The following PLB1 variants were observed in gnomAD, a reference collection of about 807,000 sequenced individuals.
The protein encoded by PLB1 is phospholipase B1, membrane-associated.
PLB1 carries 242 observed loss-of-function variants against 227.4 expected under a neutral mutation model. The ratio of observed to expected loss-of-function variants is 1.06; its 90% CI spans 0.96 to 1.18. The LOEUF (loss-of-function observed/expected upper bound fraction) is 1.18. PLB1 is among the 50% of genes most tolerant of loss of function. The pLI, the probability that PLB1 is intolerant of heterozygous loss-of-function variation, is 0.00. For synonymous variants in PLB1, 757 were observed against 682.2 expected (o/e 1.11, Z -1.71); for missense variants, 1,858 against 1,816.3 (o/e 1.02, Z -0.42).
intron 3 of PLB1, 38 bp downstream of exon 3, chr2:28,518,570 G>A (rs753052451): frequency 2.0e-5 from 30 of 1,530,488 alleles, no homozygotes; most frequent in South Asian, 5.6e-5. Flanking sequence ...AAAGCCTGGC[G>A]TTTTCTCTCT....
At chr2:28,519,474 G>A (rs574072579) in intron 3 of PLB1, among the ~76,000 whole-genome samples, 251 of 152,324 alleles carry the variant, frequency 1.6e-3, no homozygotes, top group African/African-American at 5.8e-3. Context: ...GACAGCTCAA[G>A]TCCAGTTAAC....
intron 29 of PLB1, among the ~76,000 whole-genome samples, chr2:28,590,911 C>A (rs376251682): frequency 1.3e-5 from 2 of 152,168 alleles, no homozygotes; most frequent in Non-Finnish European, 2.9e-5. Flanking sequence ...AAGACAGGCG[C>A]GTTCCCGTGA....
In PLB1 at chr2:28,598,701, G is replaced by A. The variant is rs373478547; in HGVS notation, c.2415G>A (p.Thr805=). Residue 805 remains threonine, a synonymous_variant, in exon 35 of 58, where the codon ACG becomes ACA. Coordinates refer to ENST00000327757, the MANE Select transcript of PLB1 (RefSeq NM_153021.5). ...ACCTCACAGGCTACGCCGTGGGCAC[G>A]GGTGATGCCAATGACACGAATGCAT... ...NRNLTGYAVG[T]GDANDTNAFL... 95 of 1,614,210 alleles carry A rather than the reference G, an allele frequency of 5.9e-5. 1 individual carries two copies. Among genetic ancestry groups the A allele is most frequent in the Middle Eastern group, 3.3e-4 (2 of 6,062 alleles).
chr2:28,547,984 A>C (rs551331765), intron 14 of PLB1, among the ~76,000 whole-genome samples: 12 of 151,988 alleles, frequency 7.9e-5, no homozygotes, highest in Non-Finnish European at 1.6e-4. Flanking sequence ...ACGTTATTAG[A>C]TGTCATTTGA....
chr2:28,523,414 C>T (rs574879493), intron 4 of PLB1, among the ~76,000 whole-genome samples: 8 of 137,368 alleles, frequency 5.8e-5, no homozygotes, highest in Non-Finnish European at 3.1e-5. Flanking sequence ...TTCACTCTAT[C>T]AAATTCCTTG....
intron 1 of PLB1, among the ~76,000 whole-genome samples, chr2:28,500,593 T>C (rs1007032993): frequency 2.6e-5 from 4 of 152,162 alleles, no homozygotes; most frequent in African/African-American, 7.2e-5. Context: ...ATTCCCTTTT[T>C]TCCCCCACTT....
Position 28,567,674 on chromosome 2 carries a change from A to G in PLB1, c.1324+835A>G, listed in dbSNP as rs529890867. Among the ~76,000 whole-genome samples the G allele has an allele frequency of 1.1e-4, 16 of 152,038 alleles. No homozygotes were observed. The East Asian group carries it at 2.3e-3, about 22-fold the overall frequency. On this transcript the variant is annotated intron_variant, in intron 20 of 57. Transcript: ENST00000327757. The stretch of plus-strand genomic sequence containing the variant: ...TTTTTAATAGAGACAGGGTTTCACC[A>G]TGTTGGCCAGGATGGTCTCGATTTC...
intron 11 of PLB1, 60 bp downstream of exon 11, chr2:28,539,238 G>C: frequency 1.4e-6 from 2 of 1,449,712 alleles, no homozygotes; most frequent in Non-Finnish European, 1.9e-6. Flanking sequence ...TGTGCGGCCT[G>C]TGGGGGCCCT....
intron 1 of PLB1, among the ~76,000 whole-genome samples, chr2:28,507,116 T>C (rs183664547): frequency 3.9e-4 from 60 of 152,236 alleles, no homozygotes; most frequent in African/African-American, 1.3e-3. Context: ...CTGCTGCTGA[T>C]TGTGGAAGAT....
At chr2:28,523,431 G>GA (rs1669809216) in intron 4 of PLB1, among the ~76,000 whole-genome samples, 1 of 147,886 alleles carries the variant, frequency 6.8e-6, no homozygotes. Flanking sequence ...CTTGAGGGTA[G>GA]AGCCTGTGTC....
At chr2:28,497,520 T>C (rs1445484445) in intron 1 of PLB1, among the ~76,000 whole-genome samples, 1 of 151,910 alleles carries the variant, frequency 6.6e-6, no homozygotes, top group African/African-American at 2.4e-5. Context: ...CAGTTGGGAG[T>C]GTATCTGGCT....
chr2:28,604,292 A>T (rs899902438), intron 40 of PLB1, among the ~76,000 whole-genome samples: 11 of 152,156 alleles, frequency 7.2e-5, no homozygotes, highest in African/African-American at 2.4e-4. Context: ...TTGAGGGCTT[A>T]ACCCCAACTC....
At chr2:28,636,019 A>ATGTGTGTGTATGTG (rs1553467699) in intron 56 of PLB1, among the ~76,000 whole-genome samples, 4,747 of 98,326 alleles carry the variant, frequency 0.048, 93 homozygotes, top group East Asian at 0.089. Flanking sequence ...GTATGTATGA[A>ATGTGTGTGTATGTG]TGTGTGTGTA....
intron 22 of PLB1, among the ~76,000 whole-genome samples, chr2:28,578,416 C>T (rs1679358362): frequency 6.6e-6 from 1 of 152,204 alleles, no homozygotes; most frequent in Non-Finnish European, 1.5e-5. Flanking sequence ...CCTCAAGGAG[C>T]TTGGAAGCGG....
At chr2:28,531,255 A>G (rs190473452) in intron 8 of PLB1, among the ~76,000 whole-genome samples, 182 of 152,312 alleles carry the variant, frequency 1.2e-3, no homozygotes, top group African/African-American at 4.3e-3. Context: ...ATCTTTATAT[A>G]TTTTATAAAA....
chr2:28,627,731 T>G (rs1384792561), intron 51 of PLB1, among the ~76,000 whole-genome samples: 1 of 152,174 alleles, frequency 6.6e-6, no homozygotes, highest in African/African-American at 2.4e-5. Flanking sequence ...TCACCTGGCC[T>G]CAGCTCTTCG....
intron 51 of PLB1, 44 bp downstream of exon 51, chr2:28,626,552 C>T: frequency 1.3e-6 from 2 of 1,556,828 alleles, no homozygotes; most frequent in Non-Finnish European, 1.8e-6. Flanking sequence ...AAGGAAGGTG[C>T]TGACCTCTGG....
intron 56 of PLB1, among the ~76,000 whole-genome samples, chr2:28,637,584 G>A (rs1573608867): frequency 1.3e-5 from 2 of 152,182 alleles, no homozygotes; most frequent in Admixed American, 1.3e-4. Context: ...AGGCCCCATA[G>A]CACAGCACAC....
At chr2:28,519,971 C>T (rs572322823) in intron 4 of PLB1, among the ~76,000 whole-genome samples, 5 of 152,052 alleles carry the variant, frequency 3.3e-5, no homozygotes, top group South Asian at 2.1e-4. Flanking sequence ...CTCTGTCACC[C>T]GGGCTGGAGT....
Sources: gnomAD v4.1 joint callset for allele counts (sites outside exome capture counted in the v4.1 genomes callset) on GRCh38, gnomAD v4.1.1 for gene constraint, MANE v1.5 for transcripts, NCBI Gene and HGNC (gene_info 2026-07-23, HGNC 2026-07-21) for gene names.